Variants in OSBPL10 observed in about 807,000 individuals in gnomAD.
The protein encoded by OSBPL10 is oxysterol binding protein like 10.
A neutral mutation model predicts 81.7 loss-of-function variants in OSBPL10; 49 were observed. That is an observed-to-expected ratio of 0.60 (90% CI 0.48 to 0.76). The LOEUF (loss-of-function observed/expected upper bound fraction) is 0.76. Among genes scored for constraint, OSBPL10 ranks in the 30% least tolerant of loss-of-function variants. OSBPL10 has a pLI of 0.00. For synonymous variants in OSBPL10, 419 were observed against 383.6 expected (o/e 1.09, Z -1.08); for missense variants, 923 against 987.8 (o/e 0.93, Z 0.88).
chr3:31,961,510 T>C (rs566437576), intron 1 of OSBPL10, among the ~76,000 whole-genome samples: 3 of 152,220 alleles, frequency 2.0e-5, no homozygotes, highest in Non-Finnish European at 4.4e-5. Context: ...AACTGCTCTA[T>C]TTAGAGAGTG....
chr3:31,978,844 G>GCTT (rs893229121), intron 1 of OSBPL10, among the ~76,000 whole-genome samples: 2 of 152,176 alleles, frequency 1.3e-5, no homozygotes, highest in African/African-American at 4.8e-5. Context: ...CATTAAATGT[G>GCTT]CTTCTTCTCA....
intron 1 of OSBPL10, among the ~76,000 whole-genome samples, chr3:32,075,824 C>T (rs1033124399): frequency 6.6e-6 from 1 of 152,186 alleles, no homozygotes; most frequent in Non-Finnish European, 1.5e-5. Flanking sequence ...CTGTGACCTG[C>T]ACATATACAT....
chr3:31,698,107 G>C (rs907132512), intron 7 of OSBPL10, among the ~76,000 whole-genome samples: 1 of 151,804 alleles, frequency 6.6e-6, no homozygotes, highest in African/African-American at 2.4e-5. Context: ...TCACACCCTA[G>C]TCACCCCACC....
At chr3:31,957,890 C>T (rs1365827096) in intron 1 of OSBPL10, among the ~76,000 whole-genome samples, 1 of 152,220 alleles carries the variant, frequency 6.6e-6, no homozygotes, top group Admixed American at 6.5e-5. Flanking sequence ...CTGCCCACCT[C>T]AGCCTCCCAA....
intron 2 of OSBPL10, among the ~76,000 whole-genome samples, chr3:32,018,270 C>T (rs1699333284): frequency 6.6e-6 from 1 of 152,110 alleles, no homozygotes; most frequent in Admixed American, 6.5e-5. Context: ...TTGATCCCAA[C>T]CTTTCAGAAA....
At chr3:31,677,405 A>C (rs967167432) in intron 8 of OSBPL10, among the ~76,000 whole-genome samples, 1 of 152,190 alleles carries the variant, frequency 6.6e-6, no homozygotes, top group African/African-American at 2.4e-5. Context: ...TCCCCTGGCC[A>C]TGCCCAGGCC....
intron 6 of OSBPL10, among the ~76,000 whole-genome samples, chr3:31,709,838 C>T (rs1268311820): frequency 6.6e-6 from 1 of 152,198 alleles, no homozygotes; most frequent in African/African-American, 2.4e-5. Context: ...GTGCCAAGCA[C>T]TGTGTCAGGT....
At chr3:31,758,159 T>C (rs1697938914) in intron 4 of OSBPL10, among the ~76,000 whole-genome samples, 1 of 152,190 alleles carries the variant, frequency 6.6e-6, no homozygotes, top group African/African-American at 2.4e-5. Context: ...CAGAGGAAGA[T>C]GACATTTATG....
At chr3:31,937,974 G>C (rs1181051011) in intron 1 of OSBPL10, among the ~76,000 whole-genome samples, 1 of 152,090 alleles carries the variant, frequency 6.6e-6, no homozygotes, top group Non-Finnish European at 1.5e-5. Flanking sequence ...ACCTCATTCT[G>C]TAACCTCCTT....
At chr3:31,895,383 C>T (rs999566484) in intron 1 of OSBPL10, among the ~76,000 whole-genome samples, 1 of 151,698 alleles carries the variant, frequency 6.6e-6, no homozygotes, top group Non-Finnish European at 1.5e-5. Flanking sequence ...ATGATCTGCC[C>T]GCCTCAGCCT....
At chr3:31,979,403 C>T (rs150989067) in intron 1 of OSBPL10, among the ~76,000 whole-genome samples, 1 of 152,266 alleles carries the variant, frequency 6.6e-6, no homozygotes, top group Non-Finnish European at 1.5e-5. Flanking sequence ...TTCAAAAGAC[C>T]TCTTCCTCCA....
At chr3:31,835,507 G>C (rs767970754) in intron 3 of OSBPL10, among the ~76,000 whole-genome samples, 1 of 152,098 alleles carries the variant, frequency 6.6e-6, no homozygotes, top group Non-Finnish European at 1.5e-5. Context: ...TTCTACTGTA[G>C]AAAATTTTTC....
chr3:31,673,072 AG>A (rs771326045), intron 8 of OSBPL10, among the ~76,000 whole-genome samples: 18 of 152,124 alleles, frequency 1.2e-4, no homozygotes, highest in Non-Finnish European at 1.9e-4. Context: ...CCAAAAGTAA[AG>A]CCCCAGGCCA....
At chr3:31,975,468 G>A (rs1037811581) in intron 1 of OSBPL10, among the ~76,000 whole-genome samples, 2 of 152,134 alleles carry the variant, frequency 1.3e-5, no homozygotes, top group Admixed American at 1.3e-4. Context: ...TGGGATAAGT[G>A]GCACCAAAAT....
At chr3:31,701,895 A>G (rs1695906387) in intron 7 of OSBPL10, 1 of 155,766 alleles carries the variant, frequency 6.4e-6, no homozygotes, top group Non-Finnish European at 1.4e-5. Context: ...GTTACAGCTA[A>G]GGACAGCCCT....
At chr3:31,874,356 A>C (rs980594148) in intron 3 of OSBPL10, among the ~76,000 whole-genome samples, 1 of 152,188 alleles carries the variant, frequency 6.6e-6, no homozygotes, top group African/African-American at 2.4e-5. Context: ...ACCAAAAGCC[A>C]AAAATAAAAA....
chr3:31,879,406 C>T, intron 2 of OSBPL10: 3 of 447,792 alleles, frequency 6.7e-6, no homozygotes, highest in Non-Finnish European at 1.2e-5. Flanking sequence ...AGTCCTAAGG[C>T]GCGCTGCTTT....
intron 5 of OSBPL10, among the ~76,000 whole-genome samples, chr3:31,746,726 A>G (rs1697533472): frequency 1.3e-5 from 2 of 151,806 alleles, no homozygotes; most frequent in South Asian, 4.2e-4. Flanking sequence ...CGCAAGGATA[A>G]AAAACCAAAC....
At chr3:31,917,297 A>G (rs534911952) in intron 1 of OSBPL10, among the ~76,000 whole-genome samples, 2 of 152,334 alleles carry the variant, frequency 1.3e-5, no homozygotes, top group Admixed American at 6.5e-5. Flanking sequence ...AAGTAATTCA[A>G]TCTTTACAGT....
Sources: allele counts gnomAD v4.1 joint callset (sites outside exome capture counted in the v4.1 genomes callset), GRCh38; gene constraint gnomAD v4.1.1; transcripts MANE v1.5; gene names NCBI Gene and HGNC (gene_info 2026-07-23, HGNC 2026-07-21).